DLG2: variants seen among roughly 807,000 people sequenced by gnomAD.
DLG2 encodes discs large MAGUK scaffold protein 2, also known as disks large homolog 2.
Under a neutral mutation model 132.5 loss-of-function variants are expected in DLG2, and 45 were observed. The observed-to-expected ratio is 0.34, with a 90% CI of 0.27 to 0.44. The LOEUF (loss-of-function observed/expected upper bound fraction) is 0.44. Among genes scored for constraint, DLG2 ranks in the 20% least tolerant of loss-of-function variants. DLG2 has a pLI of 1.00. For synonymous variants in DLG2, 424 were observed against 419.6 expected (o/e 1.01, Z -0.13); for missense variants, 1,045 against 1,196.9 (o/e 0.87, Z 1.87).
In DLG2 at chr11:84,672,410, T is replaced by C. The variant is rs112697828; in HGVS notation, c.358-137679A>G. On this transcript the variant is annotated intron_variant, in intron 6 of 27. Coordinates refer to ENST00000376104, the MANE Select transcript of DLG2 (RefSeq NM_001142699.3). ...TACAGAGACAGAGAGAGCGATCTGGTAGATAAATTTAAAATAAAGCATATA... is the reference window on the plus strand; with the variant it reads ...TACAGAGACAGAGAGAGCGATCTGGCAGATAAATTTAAAATAAAGCATATA... Among the ~76,000 whole-genome samples the C allele has an allele frequency of 1.5e-3, 235 of 152,200 alleles. 1 individual carries two copies. Among genetic ancestry groups the C allele is most frequent in the African/African-American group, 5.4e-3 (226 of 41,546 alleles).
At chr11:83,911,379 A>T (rs1488955886) in intron 15 of DLG2, among the ~76,000 whole-genome samples, 3 of 152,148 alleles carry the variant, frequency 2.0e-5, no homozygotes, top group Non-Finnish European at 4.4e-5. Flanking sequence ...GTACAGTTTC[A>T]TATTAGCAAA....
At chr11:85,544,646 A>T (rs564115151) in intron 3 of DLG2, among the ~76,000 whole-genome samples, 4 of 152,090 alleles carry the variant, frequency 2.6e-5, no homozygotes, top group African/African-American at 4.8e-5. Flanking sequence ...TTTCCACTTG[A>T]TTGTGTCCTC....
chr11:84,760,373 G>C (rs1188991095), intron 6 of DLG2, among the ~76,000 whole-genome samples: 1 of 152,114 alleles, frequency 6.6e-6, no homozygotes, highest in Non-Finnish European at 1.5e-5. Flanking sequence ...CAAAAGAAAG[G>C]GCAAAAAGTC....
chr11:84,855,144 C>T (rs570867798), intron 6 of DLG2, among the ~76,000 whole-genome samples: 1 of 152,098 alleles, frequency 6.6e-6, no homozygotes, highest in South Asian at 2.1e-4. Flanking sequence ...TTCAACTGGC[C>T]AATCATGTTT....
At chr11:83,638,481 C>T (rs543574059) in intron 18 of DLG2, among the ~76,000 whole-genome samples, 3 of 152,250 alleles carry the variant, frequency 2.0e-5, no homozygotes, top group South Asian at 2.1e-4. Flanking sequence ...AAAAGATTGG[C>T]GCTTGGTAAT....
chr11:84,801,398 T>A (rs939558252), intron 6 of DLG2, among the ~76,000 whole-genome samples: 1 of 151,940 alleles, frequency 6.6e-6, no homozygotes, highest in African/African-American at 2.4e-5. Flanking sequence ...TGAAACCCCG[T>A]CTCTACTAAA....
intron 6 of DLG2, among the ~76,000 whole-genome samples, chr11:84,841,529 C>G (rs912150601): frequency 1.3e-5 from 2 of 151,860 alleles, no homozygotes; most frequent in African/African-American, 4.8e-5. Context: ...AGTTTTTCAT[C>G]TGTTTTGTTT....
At chr11:83,917,468 G>T (rs910127464) in intron 15 of DLG2, among the ~76,000 whole-genome samples, 3 of 152,120 alleles carry the variant, frequency 2.0e-5, no homozygotes, top group Non-Finnish European at 4.4e-5. Context: ...AGATGAAAAA[G>T]ACTTTAACAA....
At chr11:85,373,624 C>A (rs1373651776) in intron 3 of DLG2, among the ~76,000 whole-genome samples, 2 of 152,172 alleles carry the variant, frequency 1.3e-5, no homozygotes, top group Non-Finnish European at 2.9e-5. Context: ...CCCTCTTCTT[C>A]CTGTGTGGAA....
At chr11:83,471,244 T>C (rs980699992) in intron 24 of DLG2, among the ~76,000 whole-genome samples, 7 of 152,090 alleles carry the variant, frequency 4.6e-5, no homozygotes, top group African/African-American at 1.7e-4. Context: ...TTTTAATATA[T>C]GGCTTTGTTT....
At chr11:84,259,465 T>C (rs986131836) in intron 7 of DLG2, among the ~76,000 whole-genome samples, 12 of 152,246 alleles carry the variant, frequency 7.9e-5, no homozygotes, top group Middle Eastern at 3.4e-3. Flanking sequence ...GCTTTGCCCC[T>C]GCTCTACGGA....
intron 6 of DLG2, among the ~76,000 whole-genome samples, chr11:84,896,886 A>G (rs2090260972): frequency 6.6e-6 from 1 of 151,818 alleles, no homozygotes; most frequent in Non-Finnish European, 1.5e-5. Flanking sequence ...AAAAAAAAAC[A>G]TAGTCTATTC....
chr11:84,967,177 G>A (rs1181131681), intron 6 of DLG2, among the ~76,000 whole-genome samples: 1 of 152,074 alleles, frequency 6.6e-6, no homozygotes, highest in Admixed American at 6.6e-5. Context: ...TCTTACTGTA[G>A]TATAGAAATT....
At chr11:83,736,074 G>GTCAA (rs2091858101) in intron 18 of DLG2, among the ~76,000 whole-genome samples, 2 of 152,234 alleles carry the variant, frequency 1.3e-5, no homozygotes, top group Admixed American at 6.5e-5. Flanking sequence ...GTCAAATATT[G>GTCAA]ACATTTTTCA....
At chr11:84,357,491 C>T (rs3914464) in intron 7 of DLG2, among the ~76,000 whole-genome samples, 57,692 of 151,844 alleles carry the variant, frequency 0.38, 15,546 homozygotes, top group African/African-American at 0.77. Flanking sequence ...TTTAATTTTA[C>T]ATGGTTGGGT....
intron 7 of DLG2, among the ~76,000 whole-genome samples, chr11:84,317,866 G>T (rs934584102): frequency 7.2e-5 from 11 of 152,160 alleles, no homozygotes; most frequent in African/African-American, 2.7e-4. Flanking sequence ...TTGGAAGTTT[G>T]TTTTAAATCA....
intron 6 of DLG2, among the ~76,000 whole-genome samples, chr11:84,766,066 A>G (rs1299607542): frequency 6.6e-6 from 1 of 152,006 alleles, no homozygotes; most frequent in Admixed American, 6.6e-5. Context: ...ATGAAGTGCA[A>G]TACTCCTTCC....
chr11:84,722,457 C>A (rs1032456337), intron 6 of DLG2, among the ~76,000 whole-genome samples: 1 of 152,100 alleles, frequency 6.6e-6, no homozygotes, highest in African/African-American at 2.4e-5. Context: ...AAAGACAGTG[C>A]CTTATAACAT....
intron 8 of DLG2, among the ~76,000 whole-genome samples, chr11:84,172,564 G>T (rs904760337): frequency 7.2e-6 from 1 of 138,730 alleles, no homozygotes; most frequent in African/African-American, 2.6e-5. Flanking sequence ...TTTATTTGAG[G>T]TGGAGTCTTG....
Sources: allele counts gnomAD v4.1 joint callset (sites outside exome capture counted in the v4.1 genomes callset), GRCh38; gene constraint gnomAD v4.1.1; transcripts MANE v1.5; gene names NCBI Gene and HGNC (gene_info 2026-07-23, HGNC 2026-07-21).